PCDHGB6: variants seen among roughly 807,000 people sequenced by gnomAD.
PCDHGB6 encodes the protein protocadherin gamma-B6.
In PCDHGB6, 51 loss-of-function variants were observed where a neutral mutation model predicts 59.1. The ratio of observed to expected loss-of-function variants is 0.86; its 90% CI spans 0.69 to 1.09. The LOEUF is 1.09. PCDHGB6 is among the 50% of genes least tolerant of loss of function. The probability of loss-of-function intolerance (pLI) is 0.00; values close to 1 mark genes in which losing one functional copy is unlikely to be tolerated. For synonymous variants in PCDHGB6, 466 were observed against 495.1 expected, an observed-to-expected ratio of 0.94 and a Z score of 0.78; for missense variants, 1,148 against 1,205.1, an observed-to-expected ratio of 0.95 and a Z score of 0.70.
chr5:141,420,005 C>T, intron 1 of PCDHGB6: 2 of 1,614,056 alleles, frequency 1.2e-6, no homozygotes, highest in Non-Finnish European at 1.7e-6. Context: ...TCTACGCCTG[C>T]GACAGTCTTT....
At chr5:141,411,134 G>A (rs1050594380) in intron 1 of PCDHGB6, 1 of 152,434 alleles carries the variant, frequency 6.6e-6, no homozygotes, top group Non-Finnish European at 1.5e-5. Context: ...ACAGGCGTGA[G>A]CCACAATATT....
intron 1 of PCDHGB6, among the ~76,000 whole-genome samples, chr5:141,462,736 T>C (rs2099045667): frequency 6.6e-6 from 1 of 152,274 alleles, no homozygotes; most frequent in South Asian, 2.1e-4. Flanking sequence ...TTGTCACCTC[T>C]GTAATTCCTA....
chr5:141,512,555 A>C lies in PCDHGB6; in HGVS notation c.*1382A>C, dbSNP rs1294402882. 2.6e-5 allele frequency: 4 copies of C among 152,986 alleles called. No individual in the cohort carries two copies. The highest frequency in any genetic ancestry group is 9.6e-5 in the African/African-American group (4 of 41,472). 9.5% of individuals were successfully genotyped at this position (152,986 alleles called of 1,614,324 possible). A position where few individuals can be genotyped will look rare whatever the true frequency, so the allele number is the denominator to read the frequency against. ...AGTTCCCCAGTGCCTCCTTGTGCAT[A>C]GACCTTCTTCTCCCACCCCCTTCTG... On this transcript the variant is annotated 3_prime_UTR_variant, in exon 4 of 4. Transcript: ENST00000520790.
At chr5:141,418,908 C>T (rs1037628215) in intron 1 of PCDHGB6, 1 of 1,613,814 alleles carries the variant, frequency 6.2e-7, no homozygotes, top group Non-Finnish European at 8.5e-7. Context: ...ATAATCATCA[C>T]GTCACTCTCT....
intron 1 of PCDHGB6, chr5:141,441,792 G>T: frequency 2.6e-6 from 1 of 389,292 alleles, no homozygotes; most frequent in Non-Finnish European, 5.1e-6. Context: ...GAATGACAAC[G>T]CACCGCGGGT....
chr5:141,413,477 C>A, intron 1 of PCDHGB6: 1 of 1,614,100 alleles, frequency 6.2e-7, no homozygotes, highest in Non-Finnish European at 8.5e-7. Flanking sequence ...GAGCTCTGCG[C>A]TCAGAGCGCG....
At chr5:141,478,904 T>G in intron 1 of PCDHGB6, 1 of 958,800 alleles carries the variant, frequency 1.0e-6, no homozygotes, top group Non-Finnish European at 1.5e-6. Context: ...AGGAATAAGC[T>G]GCTGGATACC....
chr5:141,486,637 G>T lies in PCDHGB6; in HGVS notation c.2419-8170G>T. On this transcript the variant is annotated intron_variant, in intron 1 of 3. Coordinates refer to ENST00000520790, the MANE Select transcript of PCDHGB6 (RefSeq NM_018926.3). This position sits in a 1 kb window ranked among gnomAD's most constrained non-coding sequence, Gnocchi z 5.0. ...CTGACCCAGACTCTGGCTTGAATGCGCTTATCTCCTACTCACTCCTGGAGC... is the reference window on the plus strand; with the variant it reads ...CTGACCCAGACTCTGGCTTGAATGCTCTTATCTCCTACTCACTCCTGGAGC... 6.2e-7 allele frequency: 1 copy of T among 1,613,638 alleles called. No homozygotes were observed. The highest frequency in any genetic ancestry group is 8.5e-7 in the Non-Finnish European group (1 of 1,180,034).
chr5:141,430,914 T>G (rs750607631), intron 1 of PCDHGB6: 1 of 1,607,676 alleles, frequency 6.2e-7, no homozygotes, highest in Non-Finnish European at 8.5e-7. Context: ...TCCAGGGACC[T>G]GGGGCTGGAG....
rs376527354 is a variant in PCDHGB6, at chr5:141,439,129, G to A, written c.2418+28509G>A. Among the ~76,000 whole-genome samples the A allele has an allele frequency of 7.3e-5, 11 of 151,064 alleles. No individual in the cohort carries two copies. The South Asian group carries it at 2.3e-3, about 32-fold the overall frequency. The stretch of plus-strand genomic sequence containing the variant: ...AATCACTTGAACCCGGGAGACAGAG[G>A]TTGCAGTGAGCTGAGATCACGCCAC... On this transcript the variant is annotated intron_variant, in intron 1 of 3. Coordinates refer to ENST00000520790, the MANE Select transcript of PCDHGB6 (RefSeq NM_018926.3).
At chr5:141,419,757 G>A (rs1468216226) in intron 1 of PCDHGB6, 5 of 1,613,876 alleles carry the variant, frequency 3.1e-6, no homozygotes, top group African/African-American at 1.3e-5. Flanking sequence ...CGTGCTTTGG[G>A]TGACAAGGAC....
At chr5:141,426,048 A>G (rs2096911760) in intron 1 of PCDHGB6, among the ~76,000 whole-genome samples, 1 of 152,182 alleles carries the variant, frequency 6.6e-6, no homozygotes, top group Non-Finnish European at 1.5e-5. Context: ...CTGTTGGCCA[A>G]TGTGCTGCAA....
intron 1 of PCDHGB6, chr5:141,430,525 G>C (rs1354801907): frequency 3.3e-5 from 12 of 365,842 alleles, no homozygotes; most frequent in Admixed American, 1.3e-4. Context: ...GCAGTAATTG[G>C]TTAGGACTCT....
At chr5:141,478,625 T>A in intron 1 of PCDHGB6, 3 of 1,554,218 alleles carry the variant, frequency 1.9e-6, no homozygotes, top group Non-Finnish European at 2.6e-6. Context: ...ATGGAGCTGT[T>A]TTTTTAGTGA....
rs773048793 is a variant in PCDHGB6, at chr5:141,505,456, A to T, written c.2541A>T (p.Gln847His). The T allele has an allele frequency of 1.3e-5, 21 of 1,614,110 alleles. No homozygotes were observed. The highest frequency in any genetic ancestry group is 1.7e-5 in the Non-Finnish European group (20 of 1,180,044). The change falls in exon 3 of 4, where the codon CAA becomes CAT. Residue 847 changes from glutamine (Q) to histidine (H), a missense_variant. By Grantham distance (24) the Gln-to-His change is conservative (BLOSUM62 0). Coordinates refer to ENST00000520790, the MANE Select transcript of PCDHGB6 (RefSeq NM_018926.3). ...ACCAGTTTGACACAGAGATGCTGCA[A>T]GCCATGATCTTGGCGTCCGCCAGTG... ...PNNQFDTEML[Q>H]AMILASASEA...
intron 1 of PCDHGB6, chr5:141,429,216 T>A (rs1590916921): frequency 6.8e-6 from 1 of 146,786 alleles, no homozygotes; most frequent in Admixed American, 6.7e-5. Context: ...GTGTGAAAAG[T>A]GGGTATTATG....
rs754120948 is a variant in PCDHGB6, at chr5:141,408,973, T to C, written c.771T>C (p.Pro257=). 8 of 1,613,718 alleles carry C rather than the reference T, an allele frequency of 5.0e-6. No homozygotes were observed. Among genetic ancestry groups the C allele is most frequent in the South Asian group, 1.1e-5 (1 of 91,076 alleles). ...TTAGTCTTAGTGAAAATCTGCCCCC[T>C]GGGTCCCCTGTGTTGCAAGTGACAG... is the stretch of plus-strand genomic sequence containing the variant. ...YRISLSENLP[P]GSPVLQVTAT... Residue 257 remains proline, a synonymous_variant, in exon 1 of 4, where the codon CCT becomes CCC. Transcript: ENST00000520790.
chr5:141,412,592 C>T (rs1472116158), intron 1 of PCDHGB6: 1 of 152,048 alleles, frequency 6.6e-6, no homozygotes, highest in African/African-American at 2.4e-5. Context: ...TGAATGTATA[C>T]TAAATAAAAT....
Position 141,494,815 on chromosome 5 carries a change from G to A in PCDHGB6, c.2427G>A (p.Pro809=), listed in dbSNP as rs765344906. 1 of 1,613,976 alleles carries A rather than the reference G, an allele frequency of 6.2e-7. No homozygotes were observed. Among genetic ancestry groups the A allele is most frequent in the South Asian group, 1.1e-5 (1 of 91,072 alleles). ...SHPETLTSQA[P]PNTDWRFSQA... The stretch of plus-strand genomic sequence containing the variant: ...CTCTGTTTTCTCCACAGCAAGCCCC[G>A]CCCAACACGGACTGGCGTTTCTCTC... The change falls in exon 2 of 4, where the codon CCG becomes CCA. Residue 809 remains proline, a synonymous_variant. Transcript: ENST00000520790.
Sources: gnomAD v4.1 joint callset for allele counts (sites outside exome capture counted in the v4.1 genomes callset) on GRCh38, gnomAD v4.1.1 for gene constraint, Gnocchi (gnomAD v3.1) non-coding constraint, MANE v1.5 for transcripts, NCBI Gene and HGNC (gene_info 2026-07-23, HGNC 2026-07-21) for gene names.